IL6ST: variants seen among roughly 807,000 people sequenced by gnomAD.
The protein encoded by IL6ST is interleukin 6 cytokine family signal transducer.
In IL6ST, 24 loss-of-function variants were observed where a neutral mutation model predicts 91.3. The observed-to-expected ratio is 0.26, with a 90% CI of 0.19 to 0.37. The LOEUF (loss-of-function observed/expected upper bound fraction) is 0.37. Among genes scored for constraint, IL6ST ranks in the 10% least tolerant of loss-of-function variants. IL6ST has a pLI of 1.00. For synonymous variants in IL6ST, 351 were observed against 373.6 expected (o/e 0.94, Z 0.70); for missense variants, 914 against 1,078.5 (o/e 0.85, Z 2.14).
chr5:55,952,211 C>T (rs1170412117), intron 12 of IL6ST, 39 bp downstream of exon 12: 6 of 1,533,810 alleles, frequency 3.9e-6, no homozygotes, highest in Non-Finnish European at 5.4e-6. Context: ...AATACAAAGC[C>T]CTAAACTTTT....
Position 55,968,313 on chromosome 5 carries a change from T to C in IL6ST, c.454A>G (p.Thr152Ala), listed in dbSNP as rs994361028. ...MRCEWDGGRE[T>A]HLETNFTLKS... ...AAAGTGAAGTTTGTCTCCAAGTGTG[T>C]TTCCCTTCCACCATCCCACTCACAC... is the stretch of plus-strand genomic sequence containing the variant. The change falls in exon 5 of 17, where the codon ACA (threonine) becomes GCA (alanine). Residue 152 changes from threonine (T) to alanine (A), a missense_variant. Transcript: ENST00000381298. The C allele has an allele frequency of 3.7e-6, 6 of 1,600,318 alleles. No homozygotes were observed. Among genetic ancestry groups the C allele is most frequent in the East Asian group, 2.3e-5 (1 of 44,404 alleles).
chr5:55,970,015 A>T (rs958233261), intron 3 of IL6ST, among the ~76,000 whole-genome samples, 160 bp from the exon 4 acceptor site: 1 of 152,230 alleles, frequency 6.6e-6, no homozygotes, highest in African/African-American at 2.4e-5. Context: ...ATATGGTTAG[A>T]ATTTAATGCC....
intron 6 of IL6ST, 49 bp from the exon 7 acceptor site, chr5:55,963,555 A>C (rs748273941): frequency 1.5e-6 from 2 of 1,329,092 alleles, no homozygotes. Context: ...CCAATTTCAT[A>C]TACAAACTCA....
intron 15 of IL6ST, among the ~76,000 whole-genome samples, chr5:55,945,564 A>G (rs1350769351): frequency 6.6e-6 from 1 of 150,970 alleles, no homozygotes; most frequent in Non-Finnish European, 1.5e-5. Flanking sequence ...AAATATTTTG[A>G]TACTGTGTTT....
At chr5:55,959,156 A>G (rs962411483) in intron 8 of IL6ST, among the ~76,000 whole-genome samples, 2 of 152,194 alleles carry the variant, frequency 1.3e-5, no homozygotes, top group Non-Finnish European at 2.9e-5. Flanking sequence ...CACTAACCAC[A>G]ATATTTTACC....
At chr5:55,988,163 A>G (rs2111932009) in intron 1 of IL6ST, among the ~76,000 whole-genome samples, 2 of 151,938 alleles carry the variant, frequency 1.3e-5, no homozygotes, top group East Asian at 3.9e-4. Context: ...AAAGAAACCT[A>G]TAATAAGCAT....
rs1419435121 is a variant in IL6ST, at chr5:55,951,988, T to A, written c.1640A>T (p.Gln547Leu). The A allele has an allele frequency of 1.9e-6, 3 of 1,569,062 alleles. No individual in the cohort carries two copies. Among genetic ancestry groups the A allele is most frequent in the Non-Finnish European group, 2.6e-6 (3 of 1,139,456 alleles). The change falls in exon 13 of 17, where the codon CAG becomes CTG. Residue 547 changes from glutamine (Q) to leucine (L), a missense_variant. Transcript: ENST00000381298. The stretch of plus-strand genomic sequence containing the variant: ...AGTATAATTTCTGATAAATCCATTC[T>A]GAACATCAACAGGAAGTTGGTCCCA... ...LEWDQLPVDVQNGFIRNYTIF... is the reference protein window; with the variant it reads ...LEWDQLPVDVLNGFIRNYTIF...
rs60547666 is a variant in IL6ST at position 55,967,309 on chromosome 5, C to CA, written c.491+966dup. Among the ~76,000 whole-genome samples, 139 of 31,904 alleles carry CA rather than the reference C, an allele frequency of 4.4e-3. 32 individuals are homozygous for CA. The highest frequency in any genetic ancestry group is 9.6e-3 in the African/African-American group (52 of 5,410). 20.9% of individuals were successfully genotyped at this position (31,904 alleles called of 152,430 possible). On this transcript the variant is annotated intron_variant, in intron 5 of 16. Transcript: ENST00000381298. ...TAGGTGACAGAGCAAGACTCCATCTCAAAAAAAAAAAAAAAAAAAAAAAAA... is the reference window on the plus strand; with the variant it reads ...TAGGTGACAGAGCAAGACTCCATCTCAAAAAAAAAAAAAAAAAAAAAAAAAA...
intron 2 of IL6ST, among the ~76,000 whole-genome samples, chr5:55,982,372 T>C (rs937747888): frequency 7.2e-5 from 11 of 152,166 alleles, no homozygotes; most frequent in Non-Finnish European, 1.2e-4. Context: ...AAATAATGCT[T>C]GTTGAATTAA....
At chr5:55,985,573 C>T (rs1290755850) in intron 1 of IL6ST, among the ~76,000 whole-genome samples, 1 of 150,982 alleles carries the variant, frequency 6.6e-6, no homozygotes, top group East Asian at 1.9e-4. Context: ...TTTTTTCCTA[C>T]AAGTTTTATA....
intron 1 of IL6ST, among the ~76,000 whole-genome samples, chr5:55,984,650 T>C (rs1232917365): frequency 6.6e-6 from 1 of 152,218 alleles, no homozygotes; most frequent in East Asian, 1.9e-4. Flanking sequence ...ACCCAATTTG[T>C]GGTACAGGTT....
chr5:55,956,266 A>G (rs1317737890), intron 9 of IL6ST, 31 bp from the exon 10 acceptor site: 2 of 1,236,958 alleles, frequency 1.6e-6, no homozygotes, highest in Non-Finnish European at 2.3e-6. Flanking sequence ...TTTAAAAATA[A>G]TCTCATAAAT....
Position 55,990,281 on chromosome 5 carries a change from T to TA in IL6ST, c.-104+4502dup, listed in dbSNP as rs34154995. On this transcript the variant is annotated intron_variant, in intron 1 of 16. Transcript: ENST00000381298. ...AGATACACTAGATAGCCGCAAAGTT[T>TA]AAAAAAAAAAGAAGAAGAAGAGACT... Among the ~76,000 whole-genome samples, 1,109 of 147,328 alleles carry TA rather than the reference T, an allele frequency of 7.5e-3. 12 individuals carry two copies. Among genetic ancestry groups the TA allele is most frequent in the South Asian group, 0.02 (96 of 4,692 alleles).
intron 1 of IL6ST, among the ~76,000 whole-genome samples, chr5:55,986,749 A>C (rs1753994097): frequency 6.6e-6 from 1 of 152,118 alleles, no homozygotes. Flanking sequence ...TATAGTGTAC[A>C]TCTTTAACTT....
intron 7 of IL6ST, among the ~76,000 whole-genome samples, chr5:55,961,739 C>G (rs150171352): frequency 6.9e-6 from 1 of 144,292 alleles, no homozygotes; most frequent in Admixed American, 7.0e-5. Context: ...GCCTGGGCAA[C>G]AAGAGCTAAA....
At position 55,947,592 on chromosome 5, in the gene IL6ST, TAAAAAAAAAAA is replaced by T. The variant is rs71602925; in HGVS notation, c.1841-14_1841-4del. 8.2e-5 allele frequency: 32 copies of T among 392,190 alleles called. No homozygotes were observed. The highest frequency in any genetic ancestry group is 6.1e-4 in the South Asian group (17 of 27,644). 24.3% of individuals were successfully genotyped at this position (392,190 alleles called of 1,614,324 possible). A position where few individuals can be genotyped will look rare whatever the true frequency, so the allele number is the denominator to read the frequency against. ...TATGGCTTCAATTTCTCCTTGAGCT[TAAAAAAAAAAA>T]AAAAAAAAAAAAAAGAGGTGTGATG... is the stretch of plus-strand genomic sequence containing the variant. On this transcript the variant is annotated splice_polypyrimidine_tract_variant and splice_region_variant and intron_variant, in intron 14 of 16. Transcript: ENST00000381298.
chr5:55,987,965 T>C (rs1474762421), intron 1 of IL6ST, among the ~76,000 whole-genome samples: 1 of 152,030 alleles, frequency 6.6e-6, no homozygotes, highest in Non-Finnish European at 1.5e-5. Context: ...ACGCTGTCTC[T>C]ACTAAAAATA....
chr5:55,961,547 C>A (rs1489194194), intron 7 of IL6ST, among the ~76,000 whole-genome samples: 2 of 152,110 alleles, frequency 1.3e-5, no homozygotes, highest in African/African-American at 4.8e-5. Flanking sequence ...CACCTGAGGT[C>A]TGGAGTTCGA....
At chr5:55,990,712 C>T (rs1417909821) in intron 1 of IL6ST, among the ~76,000 whole-genome samples, 1 of 152,098 alleles carries the variant, frequency 6.6e-6, no homozygotes, top group Non-Finnish European at 1.5e-5. Flanking sequence ...TAGGTACATG[C>T]TCATGAACAC....
Sources: gnomAD v4.1 joint callset for allele counts (sites outside exome capture counted in the v4.1 genomes callset) on GRCh38, gnomAD v4.1.1 for gene constraint, MANE v1.5 for transcripts, NCBI Gene and HGNC (gene_info 2026-07-23, HGNC 2026-07-21) for gene names.